Variants in ASTN2 observed in about 807,000 individuals in gnomAD.
ASTN2 encodes astrotactin 2.
Under a neutral mutation model 139.8 loss-of-function variants are expected in ASTN2, and 54 were observed. The observed-to-expected ratio is 0.39, with a 90% confidence interval of 0.31 to 0.48. The LOEUF (loss-of-function observed/expected upper bound fraction) is 0.48. ASTN2 is among the 20% of genes least tolerant of loss of function. ASTN2 has a pLI of 0.95. For synonymous variants in ASTN2, 756 were observed against 719.5 expected (o/e 1.05, Z -0.81); for missense variants, 1,565 against 1,725.1 (o/e 0.91, Z 1.64).
rs116107782 is a variant in ASTN2, at chr9:117,140,371, G to A, written c.1168+955C>T. ...AGGGGGATGACCTGATCAGAGCCAA[G>A]TTACAGGAAATGGAGAAGTGAGAGG... On this transcript the variant is annotated intron_variant, in intron 4 of 22. Coordinates refer to ENST00000313400, the MANE Select transcript of ASTN2 (RefSeq NM_001365068.1). 3.3e-3 allele frequency among the ~76,000 whole-genome samples: 498 copies of A among 152,134 alleles called. 7 individuals are homozygous for A. Among genetic ancestry groups the A allele is most frequent in the African/African-American group, 0.012 (487 of 41,506 alleles).
intron 3 of ASTN2, among the ~76,000 whole-genome samples, chr9:117,189,000 T>A (rs1000015499): frequency 3.3e-5 from 5 of 152,098 alleles, no homozygotes; most frequent in African/African-American, 1.2e-4. Flanking sequence ...CAGGACTTCA[T>A]AATTCTAGTG....
chr9:116,905,848 C>T (rs140621765), intron 10 of ASTN2, among the ~76,000 whole-genome samples: 1 of 117,264 alleles, frequency 8.5e-6, no homozygotes, highest in Admixed American at 1.2e-4. Flanking sequence ...AGTAAGTGAT[C>T]CCTGTTTTTT....
At chr9:116,465,518 G>A (rs931183798) in intron 20 of ASTN2, among the ~76,000 whole-genome samples, 1 of 152,276 alleles carries the variant, frequency 6.6e-6, no homozygotes, top group African/African-American at 2.4e-5. Flanking sequence ...TGACATAAAA[G>A]GGGGGAAGAG....
At chr9:116,508,791 T>C (rs1349764616) in intron 19 of ASTN2, among the ~76,000 whole-genome samples, 2 of 152,116 alleles carry the variant, frequency 1.3e-5, no homozygotes, top group East Asian at 3.9e-4. Flanking sequence ...AGCATCTCTA[T>C]ACACAAGACA....
At chr9:117,033,742 G>C (rs1274301060) in intron 6 of ASTN2, among the ~76,000 whole-genome samples, 1 of 152,064 alleles carries the variant, frequency 6.6e-6, no homozygotes, top group Non-Finnish European at 1.5e-5. Flanking sequence ...GTAGGCTTAA[G>C]TTTTCATACC....
chr9:117,187,232 C>G (rs12235976), intron 3 of ASTN2, among the ~76,000 whole-genome samples: 3,428 of 152,122 alleles, frequency 0.023, 81 homozygotes, highest in East Asian at 0.13. Context: ...TTTATACAGG[C>G]TGGTCAGGGA....
chr9:116,550,025 C>A (rs755198417), intron 19 of ASTN2, among the ~76,000 whole-genome samples: 6 of 152,224 alleles, frequency 3.9e-5, no homozygotes, highest in Non-Finnish European at 7.3e-5. Context: ...ACACAAAAAT[C>A]CCACATGAAA....
chr9:117,114,178 T>A (rs63572660), intron 4 of ASTN2, among the ~76,000 whole-genome samples: 31,291 of 149,700 alleles, frequency 0.21, 4,109 homozygotes, highest in African/African-American at 0.37. Context: ...TTTTTTTTTT[T>A]AAAAAAAAAG....
intron 13 of ASTN2, among the ~76,000 whole-genome samples, chr9:116,777,505 C>G (rs1162404042): frequency 2.0e-5 from 3 of 152,024 alleles, no homozygotes; most frequent in African/African-American, 7.3e-5. Flanking sequence ...CTTCTCTGAC[C>G]AGTGGTTCTC....
intron 7 of ASTN2, among the ~76,000 whole-genome samples, chr9:116,992,769 A>G (rs1836895224): frequency 6.6e-6 from 1 of 152,196 alleles, no homozygotes; most frequent in Non-Finnish European, 1.5e-5. Context: ...AAAGCATGAA[A>G]TCAGTTCACC....
intron 19 of ASTN2, among the ~76,000 whole-genome samples, chr9:116,508,220 T>C (rs1462559890): frequency 6.6e-6 from 1 of 152,220 alleles, no homozygotes. Flanking sequence ...TTTTCTTACG[T>C]ACACAACAGG....
chr9:116,440,873 G>A, intron 21 of ASTN2, 81 bp from the exon 22 acceptor site: 1 of 1,395,466 alleles, frequency 7.2e-7, no homozygotes. Context: ...AATAAGAAAG[G>A]CACAGTGGTG....
chr9:117,345,196 T>C (rs1829178617), intron 1 of ASTN2, among the ~76,000 whole-genome samples: 1 of 152,166 alleles, frequency 6.6e-6, no homozygotes, highest in Non-Finnish European at 1.5e-5. Context: ...TTGCTACTCA[T>C]GCTTTGTTTT....
intron 17 of ASTN2, among the ~76,000 whole-genome samples, chr9:116,645,423 A>T (rs1472272744): frequency 1.3e-5 from 2 of 152,160 alleles, no homozygotes; most frequent in Middle Eastern, 3.2e-3. Flanking sequence ...TTTCCAGCTT[A>T]GGCAGAAGGC....
chr9:116,946,834 T>C (rs1214330755), intron 10 of ASTN2, among the ~76,000 whole-genome samples: 1 of 151,386 alleles, frequency 6.6e-6, no homozygotes, highest in Non-Finnish European at 1.5e-5. Flanking sequence ...TGTGCCACCT[T>C]TATCTTTTAA....
intron 1 of ASTN2, among the ~76,000 whole-genome samples, chr9:117,383,055 C>T (rs886303224): frequency 5.3e-5 from 8 of 152,116 alleles, no homozygotes; most frequent in South Asian, 2.1e-4. Flanking sequence ...TAAAAGCAAC[C>T]GCAGACAATA....
At chr9:117,155,311 A>G (rs949783898) in intron 3 of ASTN2, among the ~76,000 whole-genome samples, 3 of 152,068 alleles carry the variant, frequency 2.0e-5, no homozygotes, top group Non-Finnish European at 4.4e-5. Flanking sequence ...AGAGGACAGG[A>G]AATCATGTCT....
chr9:116,786,443 CA>C (rs1830380158), intron 13 of ASTN2, among the ~76,000 whole-genome samples: 1 of 152,052 alleles, frequency 6.6e-6, no homozygotes. Context: ...AATAAGTGCT[CA>C]AAAAATATTT....
intron 15 of ASTN2, 79 bp from the exon 16 acceptor site, chr9:116,726,029 T>G: frequency 1.4e-6 from 2 of 1,417,612 alleles, no homozygotes; most frequent in Non-Finnish European, 1.9e-6. Context: ...GCAGGAGTTC[T>G]TCCCAACCTG....
Sources: gnomAD v4.1 joint callset for allele counts (sites outside exome capture counted in the v4.1 genomes callset) on GRCh38, gnomAD v4.1.1 for gene constraint, MANE v1.5 for transcripts, NCBI Gene and HGNC (gene_info 2026-07-23, HGNC 2026-07-21) for gene names.